The following THRB variants were observed in gnomAD, a reference collection of about 807,000 sequenced individuals.
The protein encoded by THRB is thyroid hormone receptor beta.
THRB carries 12 observed loss-of-function variants against 47.8 expected under a neutral mutation model. The observed-to-expected ratio is 0.25, with a 90% CI of 0.16 to 0.41. The LOEUF (loss-of-function observed/expected upper bound fraction) is 0.41. Among genes scored for constraint, THRB ranks in the 10% least tolerant of loss-of-function variants. The probability of loss-of-function intolerance (pLI) is 1.00; values close to 1 mark genes in which losing one functional copy is unlikely to be tolerated. For missense variants in THRB, 348 were observed against 589.2 expected (o/e 0.59, Z 4.24); for synonymous variants, 218 against 212.2 (o/e 1.03, Z -0.24).
At chr3:24,329,516 G>A (rs2061784634) in intron 2 of THRB, among the ~76,000 whole-genome samples, 2 of 152,140 alleles carry the variant, frequency 1.3e-5, no homozygotes, top group South Asian at 4.2e-4. Context: ...ACACTGTTGT[G>A]CACACATTGC....
chr3:24,456,327 C>T (rs1042903191), intron 1 of THRB, among the ~76,000 whole-genome samples: 1 of 150,492 alleles, frequency 6.6e-6, no homozygotes, highest in East Asian at 1.9e-4. Flanking sequence ...AGTGTGAGAC[C>T]CTGTCTAAAA....
intron 1 of THRB, among the ~76,000 whole-genome samples, chr3:24,475,254 T>G (rs530478198): frequency 6.6e-6 from 1 of 152,266 alleles, no homozygotes; most frequent in East Asian, 1.9e-4. Context: ...TTATTTAAGT[T>G]AATATTTTAT....
intron 4 of THRB, among the ~76,000 whole-genome samples, chr3:24,227,850 A>G (rs2047829930): frequency 6.6e-6 from 1 of 152,172 alleles, no homozygotes. Context: ...CCATGGTAAC[A>G]AAAAGGACAG....
At chr3:24,450,289 C>T (rs1268608803) in intron 1 of THRB, among the ~76,000 whole-genome samples, 1 of 152,110 alleles carries the variant, frequency 6.6e-6, no homozygotes, top group African/African-American at 2.4e-5. Flanking sequence ...AAAAGAAATT[C>T]CTGCAGAGAG....
chr3:24,234,201 A>G (rs1393363757), intron 3 of THRB, among the ~76,000 whole-genome samples: 3 of 152,134 alleles, frequency 2.0e-5, no homozygotes, highest in Non-Finnish European at 2.9e-5. Flanking sequence ...ATTTAATTAT[A>G]TCACTTGCCC....
intron 3 of THRB, among the ~76,000 whole-genome samples, chr3:24,254,382 T>C (rs1268726125): frequency 6.1e-5 from 9 of 148,722 alleles, no homozygotes; most frequent in Non-Finnish European, 5.9e-5. Context: ...AGAGGGAGAC[T>C]CCATCTTAAA....
At chr3:24,401,289 C>G (rs187047326) in intron 1 of THRB, among the ~76,000 whole-genome samples, 259 of 152,108 alleles carry the variant, frequency 1.7e-3, no homozygotes, top group Non-Finnish European at 2.9e-3. Flanking sequence ...AAATAATACC[C>G]TGCAGGAGGA....
At chr3:24,355,244 A>G in intron 1 of THRB, among the ~76,000 whole-genome samples, 1 of 152,144 alleles carries the variant, frequency 6.6e-6, no homozygotes, top group Non-Finnish European at 1.5e-5. Flanking sequence ...GAAATATTAG[A>G]AATACACACT....
At chr3:24,193,738 T>C (rs1427204333) in intron 4 of THRB, among the ~76,000 whole-genome samples, 3 of 152,162 alleles carry the variant, frequency 2.0e-5, no homozygotes, top group African/African-American at 7.2e-5. Flanking sequence ...TAAAAGTGGG[T>C]CTACCGTTTG....
At chr3:24,352,788 C>T (rs1351280435) in intron 1 of THRB, among the ~76,000 whole-genome samples, 2 of 152,140 alleles carry the variant, frequency 1.3e-5, no homozygotes, top group Admixed American at 6.6e-5. Context: ...GGAAGAAACA[C>T]TCCAAAATAT....
Position 24,122,130 on chromosome 3 carries a change from GAA to G in THRB, c.*752_*753del, listed in dbSNP as rs1190279799. ...TTCCTACTGTGAGGTAATACTATGT[GAA>G]TTTTTGGAAACCATGCAGTCACTGA... is the stretch of plus-strand genomic sequence containing the variant. On this transcript the variant is annotated 3_prime_UTR_variant, in exon 11 of 11. Coordinates refer to ENST00000646209, the MANE Select transcript of THRB (RefSeq NM_001354712.2). 1.3e-5 allele frequency: 2 copies of G among 152,796 alleles called. No homozygotes were observed. Among genetic ancestry groups the G allele is most frequent in the African/African-American group, 4.8e-5 (2 of 41,442 alleles). The allele number at this position is 152,796 out of a possible 1,614,324, so 9.5% of individuals were successfully genotyped here. A position where few individuals can be genotyped will look rare whatever the true frequency, so the allele number is the denominator to read the frequency against.
intron 1 of THRB, among the ~76,000 whole-genome samples, chr3:24,426,048 T>A (rs1418861526): frequency 1.3e-5 from 2 of 151,866 alleles, no homozygotes; most frequent in Non-Finnish European, 2.9e-5. Flanking sequence ...GAAAATAATA[T>A]AACTTACCTA....
intron 1 of THRB, among the ~76,000 whole-genome samples, chr3:24,493,187 G>A (rs1483530589): frequency 6.6e-6 from 1 of 152,180 alleles, no homozygotes; most frequent in East Asian, 1.9e-4. Flanking sequence ...ACTGAAACAC[G>A]TTTTTCATTG....
intron 1 of THRB, among the ~76,000 whole-genome samples, chr3:24,386,312 C>T (rs2066098303): frequency 6.6e-6 from 1 of 152,092 alleles, no homozygotes; most frequent in Non-Finnish European, 1.5e-5. Context: ...TGCAAAGTGC[C>T]TCCCCAATAT....
chr3:24,124,486 G>A (rs1044405647), intron 10 of THRB, among the ~76,000 whole-genome samples: 1 of 152,158 alleles, frequency 6.6e-6, no homozygotes, highest in Non-Finnish European at 1.5e-5. Context: ...TATAATGTGG[G>A]TTTTGTGGCA....
At chr3:24,390,726 T>G (rs2066493530) in intron 1 of THRB, among the ~76,000 whole-genome samples, 1 of 151,002 alleles carries the variant, frequency 6.6e-6, no homozygotes, top group African/African-American at 2.4e-5. Context: ...AACACAGCTG[T>G]TTTCTTTTTA....
intron 4 of THRB, among the ~76,000 whole-genome samples, chr3:24,207,847 G>A (rs886894220): frequency 6.6e-6 from 1 of 152,152 alleles, no homozygotes; most frequent in Non-Finnish European, 1.5e-5. Context: ...TCTGGCCAGG[G>A]CAATCAGGCA....
intron 1 of THRB, among the ~76,000 whole-genome samples, chr3:24,444,039 A>G (rs1329232292): frequency 6.6e-6 from 1 of 152,146 alleles, no homozygotes; most frequent in Non-Finnish European, 1.5e-5. Context: ...TTAATTTTAA[A>G]AATTCTCAGC....
At chr3:24,244,818 T>C (rs751478429) in intron 3 of THRB, among the ~76,000 whole-genome samples, 1 of 152,190 alleles carries the variant, frequency 6.6e-6, no homozygotes, top group African/African-American at 2.4e-5. Flanking sequence ...ATAACATATA[T>C]GGAACAATAA....
Sources: allele counts gnomAD v4.1 joint callset (sites outside exome capture counted in the v4.1 genomes callset), GRCh38; gene constraint gnomAD v4.1.1; transcripts MANE v1.5; gene names NCBI Gene and HGNC (gene_info 2026-07-23, HGNC 2026-07-21).